The following ITIH5 variants were observed in gnomAD, a reference collection of about 807,000 sequenced individuals.
The protein encoded by ITIH5 is inter-alpha-trypsin inhibitor heavy chain H5.
A neutral mutation model predicts 77.5 loss-of-function variants in ITIH5; 65 were observed. That is an observed-to-expected ratio of 0.84 (90% CI 0.69 to 1.03). The LOEUF (loss-of-function observed/expected upper bound fraction) is 1.03, where lower values mean the gene tolerates loss of function less well. Ranked by LOEUF, ITIH5 falls within the 50% of genes least tolerant of loss-of-function variation. The pLI, the probability that ITIH5 is intolerant of heterozygous loss-of-function variation, is 0.00. For missense variants in ITIH5, 1,208 were observed against 1,213.1 expected, an observed-to-expected ratio of 1.00 and a Z score of 0.06; for synonymous variants, 525 against 494.3, an observed-to-expected ratio of 1.06 and a Z score of -0.82.
chr10:7,564,911 GTGTGTA>G (rs1332519440), intron 13 of ITIH5, among the ~76,000 whole-genome samples: 3 of 12,032 alleles, frequency 2.5e-4, no homozygotes, highest in Non-Finnish European at 1.1e-3. Flanking sequence ...TACAGACTGT[GTGTGTA>G]TATATATATA....
At position 7,566,188 on chromosome 10, in the gene ITIH5, A is replaced by G. The variant is rs1459086327; in HGVS notation, c.2369T>C (p.Val790Ala). 1 of 1,614,080 alleles carries G rather than the reference A, an allele frequency of 6.2e-7. No homozygotes were observed. The highest frequency in any genetic ancestry group is 1.1e-5 in the South Asian group (1 of 91,070). Reference protein sequence around the residue: ...VVGSWGLEVSVSANANVTVTI... With the variant: ...VVGSWGLEVSASANANVTVTI... ...GACGGTGACATTGGCGTTGGCAGAC[A>G]CGGACACCTCCAGCCCCCAGCTCCC... Residue 790 changes from valine (V) to alanine (A), a missense_variant, in exon 13 of 14, where the codon GTG becomes GCG. Coordinates refer to ENST00000397146, the MANE Select transcript of ITIH5 (RefSeq NM_030569.7).
At chr10:7,613,406 A>G (rs1833294498) in intron 7 of ITIH5, among the ~76,000 whole-genome samples, 1 of 152,344 alleles carries the variant, frequency 6.6e-6, no homozygotes, top group Non-Finnish European at 1.5e-5. Flanking sequence ...AAACTTTGGG[A>G]AAAACTTTGG....
rs752360754 is a variant in ITIH5, at chr10:7,573,134, T to C, written c.2032+8A>G. 2 of 1,612,712 alleles carry C rather than the reference T, an allele frequency of 1.2e-6. No individual in the cohort carries two copies. The highest frequency in any genetic ancestry group is 1.7e-5 in the Admixed American group (1 of 60,010). ...TCAATCCACACACAACCGCATCCTT[T>C]GCTTTACCTGATGTTTTAGAGATTT... On this transcript the variant is annotated splice_region_variant and intron_variant, in intron 11 of 13. Coordinates refer to ENST00000397146, the MANE Select transcript of ITIH5 (RefSeq NM_030569.7).
chr10:7,630,839 C>A (rs1482274076), intron 5 of ITIH5, among the ~76,000 whole-genome samples: 1 of 151,692 alleles, frequency 6.6e-6, no homozygotes, highest in Admixed American at 6.6e-5. Flanking sequence ...TTCTTAACGG[C>A]CAAACACTTC....
At chr10:7,664,955 C>T (rs1218471113) in intron 1 of ITIH5, among the ~76,000 whole-genome samples, 1 of 152,206 alleles carries the variant, frequency 6.6e-6, no homozygotes, top group African/African-American at 2.4e-5. Context: ...TCAGTAAGTG[C>T]AGAGCCAAGA....
rs911826426 is a variant in ITIH5, at chr10:7,562,537, T to C, written c.*546A>G. ...GACTTCATGGTTTACAACGATCAAA[T>C]GTATGGGCTATTTGCCTGATTGGTG... On this transcript the variant is annotated 3_prime_UTR_variant, in exon 14 of 14. Coordinates refer to ENST00000397146, the MANE Select transcript of ITIH5 (RefSeq NM_030569.7). The C allele has an allele frequency of 1.3e-5, 2 of 155,548 alleles. No individual in the cohort carries two copies. Among genetic ancestry groups the C allele is most frequent in the Non-Finnish European group, 2.9e-5 (2 of 70,058 alleles). 9.6% of individuals were successfully genotyped at this position (155,548 alleles called of 1,614,324 possible). A position where few individuals can be genotyped will look rare whatever the true frequency, so the allele number is the denominator to read the frequency against.
In ITIH5 at chr10:7,576,709, C is replaced by A. The variant is rs1226728214; in HGVS notation, c.1722G>T (p.Glu574Asp). The stretch of plus-strand genomic sequence containing the variant: ...TTGTGGTGAGGTAGCTCCAGAGACG[C>A]TCGATGTGGTTGGTGTCCCCCTCTC... Reference protein sequence around the residue: ...GDGEGDTNHIERLWSYLTTKE... With the variant: ...GDGEGDTNHIDRLWSYLTTKE... Residue 574 changes from glutamate to aspartate, a missense_variant, in exon 10 of 14, where the codon GAG becomes GAT. Coordinates refer to ENST00000397146, the MANE Select transcript of ITIH5 (RefSeq NM_030569.7). The A allele has an allele frequency of 6.2e-7, 1 of 1,614,090 alleles. No individual in the cohort carries two copies. The highest frequency in any genetic ancestry group is 2.2e-5 in the East Asian group (1 of 44,864).
chr10:7,622,908 T>G (rs1410686163), intron 5 of ITIH5, among the ~76,000 whole-genome samples: 1 of 152,248 alleles, frequency 6.6e-6, no homozygotes, highest in African/African-American at 2.4e-5. Flanking sequence ...CATTAAATAT[T>G]CCTATGTCTG....
intron 7 of ITIH5, among the ~76,000 whole-genome samples, chr10:7,605,537 CA>C (rs77990393): frequency 0.76 from 106,277 of 140,526 alleles, 38,593 homozygotes; most frequent in Admixed American, 0.8. Context: ...CCTAGCACCC[CA>C]CCCCCAACAG....
intron 7 of ITIH5, among the ~76,000 whole-genome samples, chr10:7,602,603 G>C (rs1013860466): frequency 1.3e-5 from 2 of 152,124 alleles, no homozygotes; most frequent in African/African-American, 2.4e-5. Flanking sequence ...TGCCATGATA[G>C]TAAGTTTCCT....
At chr10:7,582,436 T>C (rs1245348665) in intron 8 of ITIH5, among the ~76,000 whole-genome samples, 1 of 131,556 alleles carries the variant, frequency 7.6e-6, no homozygotes, top group African/African-American at 2.8e-5. Flanking sequence ...CTTACTGTAG[T>C]GTGAACACCT....
chr10:7,637,567 C>G (rs1833823172), intron 4 of ITIH5, 89 bp from the exon 5 acceptor site: 1 of 1,341,132 alleles, frequency 7.5e-7, no homozygotes, highest in Non-Finnish European at 1.0e-6. Flanking sequence ...CAGCCATACC[C>G]TCTCAACCAG....
At chr10:7,663,505 T>C (rs1834312162) in intron 1 of ITIH5, among the ~76,000 whole-genome samples, 1 of 152,228 alleles carries the variant, frequency 6.6e-6, no homozygotes, top group African/African-American at 2.4e-5. Context: ...ATGCGTGATG[T>C]TTGTGGTGCC....
intron 12 of ITIH5, among the ~76,000 whole-genome samples, chr10:7,566,930 G>GAAAAT (rs1832198481): frequency 1.4e-5 from 2 of 146,178 alleles, no homozygotes; most frequent in Non-Finnish European, 3.0e-5. Flanking sequence ...GAAAAGAAAA[G>GAAAAT]AAAATCTATC....
At position 7,623,112 on chromosome 10, in the gene ITIH5, G is replaced by A. The variant is rs185193210; in HGVS notation, c.653-5830C>T. Reference sequence around the variant, plus strand: ...ATGCCAAAGGTGAAAAGATTGAGAAGAGCCCCATGCTCACAGCCACGGGCT... The same window carrying A: ...ATGCCAAAGGTGAAAAGATTGAGAAAAGCCCCATGCTCACAGCCACGGGCT... On this transcript the variant is annotated intron_variant, in intron 5 of 13. Coordinates refer to ENST00000397146, the MANE Select transcript of ITIH5 (RefSeq NM_030569.7). Among the ~76,000 whole-genome samples the A allele has an allele frequency of 2.9e-3, 442 of 152,208 alleles. 3 individuals are homozygous for A. Among genetic ancestry groups the A allele is most frequent in the South Asian group, 7.7e-3 (37 of 4,828 alleles).
chr10:7,645,669 T>G (rs975986183), intron 2 of ITIH5, among the ~76,000 whole-genome samples: 4 of 152,212 alleles, frequency 2.6e-5, no homozygotes, highest in African/African-American at 9.6e-5. Context: ...TTTAGGAAAT[T>G]ATGTCTGAAT....
At chr10:7,622,145 A>G (rs1833484398) in intron 5 of ITIH5, 2 of 152,308 alleles carry the variant, frequency 1.3e-5, no homozygotes, top group Non-Finnish European at 1.5e-5. Context: ...AAATTCATTC[A>G]TGCTCTTCCT....
rs1025967093 is a variant in ITIH5 at position 7,562,939 on chromosome 10, T to C, written c.*144A>G. Reference sequence around the variant, plus strand: ...CCCCTACCCTTCGCCCAGACAGACGTCGGATCTATGCTGCACCAGGGGTGG... The same window carrying C: ...CCCCTACCCTTCGCCCAGACAGACGCCGGATCTATGCTGCACCAGGGGTGG... On this transcript the variant is annotated 3_prime_UTR_variant, in exon 14 of 14. Transcript: ENST00000397146. 2 of 598,008 alleles carry C rather than the reference T, an allele frequency of 3.3e-6. No homozygotes were observed. The highest frequency in any genetic ancestry group is 6.2e-6 in the Non-Finnish European group (2 of 324,392). 37.0% of individuals were successfully genotyped at this position (598,008 alleles called of 1,614,324 possible).
At chr10:7,653,740 C>T (rs1834137403) in intron 2 of ITIH5, among the ~76,000 whole-genome samples, 1 of 152,168 alleles carries the variant, frequency 6.6e-6, no homozygotes, top group Non-Finnish European at 1.5e-5. Context: ...AGCATGGACT[C>T]AGACACTGAA....
Sources: gnomAD v4.1 joint callset for allele counts (sites outside exome capture counted in the v4.1 genomes callset) on GRCh38, gnomAD v4.1.1 for gene constraint, MANE v1.5 for transcripts, NCBI Gene and HGNC (gene_info 2026-07-23, HGNC 2026-07-21) for gene names.